Variants in GAS7 observed in about 807,000 individuals in gnomAD.
GAS7 encodes growth arrest specific 7.
Under a neutral mutation model 71.1 loss-of-function variants are expected in GAS7, and 28 were observed. The ratio of observed to expected loss-of-function variants is 0.39; its 90% CI spans 0.29 to 0.54. GAS7 has a LOEUF of 0.54. GAS7 is among the 20% of genes least tolerant of loss of function. GAS7 has a pLI of 0.62. For synonymous variants in GAS7, 258 were observed against 245.8 expected, an observed-to-expected ratio of 1.05 and a Z score of -0.46; for missense variants, 436 against 627.8, an observed-to-expected ratio of 0.69 and a Z score of 3.27.
intron 1 of GAS7, among the ~76,000 whole-genome samples, chr17:10,099,392 C>A (rs1270870577): frequency 6.6e-6 from 1 of 152,186 alleles, no homozygotes; most frequent in Non-Finnish European, 1.5e-5. Context: ...CCAGAGCAGG[C>A]AGGGACTTTG....
At chr17:9,946,157 G>A (rs2068778479) in intron 6 of GAS7, among the ~76,000 whole-genome samples, 1 of 152,102 alleles carries the variant, frequency 6.6e-6, no homozygotes, top group Non-Finnish European at 1.5e-5. Flanking sequence ...ATCTAATTCT[G>A]AAAGTCACTA....
intron 5 of GAS7, among the ~76,000 whole-genome samples, chr17:9,957,194 C>G (rs1202306301): frequency 6.6e-6 from 1 of 152,236 alleles, no homozygotes; most frequent in Non-Finnish European, 1.5e-5. Flanking sequence ...TGCAGATTTT[C>G]CAGTCTGGCC....
At chr17:10,134,921 C>G (rs1052673224) in intron 1 of GAS7, among the ~76,000 whole-genome samples, 1 of 151,942 alleles carries the variant, frequency 6.6e-6, no homozygotes, top group African/African-American at 2.4e-5. Context: ...TCACCTCCGG[C>G]TCCCAAGTTC....
chr17:9,918,387 T>C (rs955070428), intron 12 of GAS7, among the ~76,000 whole-genome samples: 3 of 152,228 alleles, frequency 2.0e-5, no homozygotes, highest in African/African-American at 7.2e-5. Flanking sequence ...TTTCTGTTAT[T>C]ATCCCCATTC....
At chr17:10,130,256 A>G (rs2073986223) in intron 1 of GAS7, among the ~76,000 whole-genome samples, 1 of 151,578 alleles carries the variant, frequency 6.6e-6, no homozygotes, top group Non-Finnish European at 1.5e-5. Context: ...AGCCAACACC[A>G]GTAGTCTTCA....
rs961331080 is a variant in GAS7, at chr17:9,996,463, C to T, written c.305-14579G>A. On this transcript the variant is annotated intron_variant, in intron 2 of 13. Coordinates refer to ENST00000432992, the MANE Select transcript of GAS7 (RefSeq NM_201433.2). ...GCAGGGATACCATTAGGAGATATGC[C>T]TAATGTTAAATGACGATTTAATGGG... Among the ~76,000 whole-genome samples the T allele has an allele frequency of 6.6e-5, 10 of 150,566 alleles. 1 individual carries two copies. In the South Asian group the frequency reaches 8.4e-4, roughly 13 times the overall value.
At chr17:10,109,365 T>C (rs1418031553) in intron 1 of GAS7, among the ~76,000 whole-genome samples, 14 of 152,182 alleles carry the variant, frequency 9.2e-5, no homozygotes, top group Admixed American at 9.2e-4. Flanking sequence ...CCAGTTCCAT[T>C]CATGTTGCTG....
At chr17:10,168,319 T>C (rs1328946219) in intron 1 of GAS7, among the ~76,000 whole-genome samples, 1 of 152,240 alleles carries the variant, frequency 6.6e-6, no homozygotes, top group African/African-American at 2.4e-5. Flanking sequence ...AGCTTGGTTT[T>C]CTTTATTTAA....
intron 1 of GAS7, among the ~76,000 whole-genome samples, chr17:10,098,269 C>T (rs80207737): frequency 0.031 from 4,717 of 152,244 alleles, 228 homozygotes; most frequent in African/African-American, 0.11. Context: ...CTAGGACTAG[C>T]CTGGCCAGGA....
At chr17:10,161,139 G>A (rs1056221559) in intron 1 of GAS7, among the ~76,000 whole-genome samples, 1 of 152,030 alleles carries the variant, frequency 6.6e-6, no homozygotes, top group African/African-American at 2.4e-5. Context: ...TCATTCTCAG[G>A]TGCTTCCCAA....
intron 2 of GAS7, among the ~76,000 whole-genome samples, chr17:10,005,219 GTGCATGTATGTGTATGTGCGCGCA>G (rs1307300973): frequency 4.0e-5 from 5 of 126,338 alleles, no homozygotes; most frequent in African/African-American, 2.0e-4. Flanking sequence ...ATGTGCGCGT[GTGCATGTATGTGTATGTGCGCGCA>G]TGCATGTGTG....
chr17:10,160,234 T>A (rs962390757), intron 1 of GAS7, among the ~76,000 whole-genome samples: 2 of 152,132 alleles, frequency 1.3e-5, no homozygotes, highest in African/African-American at 4.8e-5. Context: ...GTATGTAGGT[T>A]ACACTTCAAC....
At position 9,981,101 on chromosome 17, in the gene GAS7, G is replaced by A. The variant is rs997926782; in HGVS notation, c.385+703C>T. On this transcript the variant is annotated intron_variant, in intron 3 of 13. Coordinates refer to ENST00000432992, the MANE Select transcript of GAS7 (RefSeq NM_201433.2). The surrounding 1 kb of genome is among the most constrained non-coding windows in gnomAD (Gnocchi z 4.4). ...GAGACCAGGAGCTCAAGACCAGCCT[G>A]GCCAACATGGCGAAATCCCGTCTCT... is the stretch of plus-strand genomic sequence containing the variant. Among the ~76,000 whole-genome samples the A allele has an allele frequency of 5.3e-5, 8 of 152,164 alleles. No homozygotes were observed. The highest frequency in any genetic ancestry group is 1.7e-4 in the African/African-American group (7 of 41,432).
chr17:9,975,668 G>T (rs1272863763), intron 3 of GAS7, among the ~76,000 whole-genome samples: 1 of 152,180 alleles, frequency 6.6e-6, no homozygotes, highest in African/African-American at 2.4e-5. Flanking sequence ...GTGTTATGCA[G>T]TGATAGTAAA....
At chr17:10,191,502 G>A (rs1029032432) in intron 1 of GAS7, among the ~76,000 whole-genome samples, 1 of 146,710 alleles carries the variant, frequency 6.8e-6, no homozygotes, top group Non-Finnish European at 1.5e-5. Flanking sequence ...GCAGCAGTGA[G>A]CCATGATCAT....
chr17:10,122,470 G>A (rs906537751), intron 1 of GAS7, among the ~76,000 whole-genome samples: 10 of 152,124 alleles, frequency 6.6e-5, no homozygotes, highest in African/African-American at 2.4e-4. Flanking sequence ...AAGCGAGAAA[G>A]GCCCCCTGGG....
intron 1 of GAS7, among the ~76,000 whole-genome samples, chr17:10,126,010 A>C (rs2073943161): frequency 6.6e-6 from 1 of 152,114 alleles, no homozygotes; most frequent in South Asian, 2.1e-4. Context: ...GTGCAGTATG[A>C]AGCCTGCGCT....
chr17:9,971,821 T>C (rs962452971), intron 3 of GAS7, among the ~76,000 whole-genome samples: 1 of 152,190 alleles, frequency 6.6e-6, no homozygotes, highest in African/African-American at 2.4e-5. Flanking sequence ...CAGGAGAATA[T>C]GGCTGAAAGT....
intron 1 of GAS7, among the ~76,000 whole-genome samples, chr17:10,100,571 C>T (rs2073688444): frequency 6.6e-6 from 1 of 150,542 alleles, no homozygotes. Context: ...CATCCATTCT[C>T]CTCCCTCAGG....
Sources: allele counts gnomAD v4.1 joint callset (sites outside exome capture counted in the v4.1 genomes callset), GRCh38; gene constraint gnomAD v4.1.1; non-coding constraint Gnocchi (gnomAD v3.1); transcripts MANE v1.5; gene names NCBI Gene and HGNC (gene_info 2026-07-23, HGNC 2026-07-21).